Variants in LRRC4C observed in about 807,000 individuals in gnomAD.
LRRC4C encodes the protein leucine rich repeat containing 4C.
Under a neutral mutation model 33.6 loss-of-function variants are expected in LRRC4C, and 5 were observed. The ratio of observed to expected loss-of-function variants is 0.15; its 90% CI spans 0.08 to 0.31. The LOEUF (loss-of-function observed/expected upper bound fraction) is 0.31, where lower values mean the gene tolerates loss of function less well. Ranked by LOEUF, LRRC4C falls within the 10% of genes least tolerant of loss-of-function variation. LRRC4C has a pLI of 1.00. For synonymous variants in LRRC4C, 329 were observed against 302.0 expected (o/e 1.09, Z -0.93); for missense variants, 560 against 796.7 (o/e 0.70, Z 3.58).
At chr11:41,437,939 G>A (rs1045806470) in intron 1 of LRRC4C, among the ~76,000 whole-genome samples, 2 of 152,024 alleles carry the variant, frequency 1.3e-5, no homozygotes, top group African/African-American at 4.8e-5. Flanking sequence ...GTGGGAGGCT[G>A]AGGAAGGAGA....
chr11:40,482,307 A>G (rs534527796), intron 3 of LRRC4C, among the ~76,000 whole-genome samples: 1 of 152,294 alleles, frequency 6.6e-6, no homozygotes, highest in Admixed American at 6.5e-5. Context: ...GGACATTCAG[A>G]TTAATTGTGT....
At chr11:40,996,021 T>C (rs1352171000) in intron 1 of LRRC4C, among the ~76,000 whole-genome samples, 1 of 152,166 alleles carries the variant, frequency 6.6e-6, no homozygotes, top group Non-Finnish European at 1.5e-5. Context: ...TTAAAATTAA[T>C]TTATTACATA....
At chr11:41,357,212 C>T (rs1952194729) in intron 1 of LRRC4C, among the ~76,000 whole-genome samples, 1 of 151,964 alleles carries the variant, frequency 6.6e-6, no homozygotes, top group African/African-American at 2.4e-5. Context: ...TAAACTGGCA[C>T]AAGTTATGGA....
At chr11:40,816,284 G>T (rs1384259811) in intron 2 of LRRC4C, among the ~76,000 whole-genome samples, 1 of 152,190 alleles carries the variant, frequency 6.6e-6, no homozygotes, top group African/African-American at 2.4e-5. Flanking sequence ...CCACATCTGT[G>T]TGCCAACAGA....
At chr11:40,913,679 G>C (rs1430614437) in intron 2 of LRRC4C, among the ~76,000 whole-genome samples, 1 of 151,968 alleles carries the variant, frequency 6.6e-6, no homozygotes, top group Non-Finnish European at 1.5e-5. Flanking sequence ...CTAGCAAAAG[G>C]CAAGAAATAA....
At position 40,597,307 on chromosome 11, in the gene LRRC4C, C is replaced by T. The variant is rs552483094; in HGVS notation, c.-270+50835G>A. ...ACAATAGACAAGTGAATTGACTAAT[C>T]CAAGATCTCATGGTTCAGTGGTTGG... On this transcript the variant is annotated intron_variant, in intron 3 of 6. Coordinates refer to ENST00000528697, the MANE Select transcript of LRRC4C (RefSeq NM_001258419.2). Among the ~76,000 whole-genome samples the T allele has an allele frequency of 2.6e-5, 4 of 151,970 alleles. 1 individual carries two copies. In the East Asian group the frequency reaches 7.8e-4, roughly 30 times the overall value.
chr11:41,350,433 C>T (rs1951941019), intron 1 of LRRC4C, among the ~76,000 whole-genome samples: 1 of 147,318 alleles, frequency 6.8e-6, no homozygotes, highest in South Asian at 2.1e-4. Context: ...TGGTGTGAAC[C>T]TGGGAGGCGG....
intron 1 of LRRC4C, among the ~76,000 whole-genome samples, chr11:41,290,970 A>G (rs2137006019): frequency 6.6e-6 from 1 of 152,284 alleles, no homozygotes; most frequent in East Asian, 1.9e-4. Context: ...CTTTCCAAAA[A>G]TTCAAGCATG....
At chr11:40,820,799 T>A (rs1049438060) in intron 2 of LRRC4C, among the ~76,000 whole-genome samples, 1 of 151,724 alleles carries the variant, frequency 6.6e-6, no homozygotes, top group Non-Finnish European at 1.5e-5. Flanking sequence ...AACATAATAC[T>A]GGAGTTTCTG....
At chr11:40,126,613 A>G (rs1856246238) in intron 6 of LRRC4C, among the ~76,000 whole-genome samples, 1 of 152,208 alleles carries the variant, frequency 6.6e-6, no homozygotes, top group South Asian at 2.1e-4. Flanking sequence ...TTTACATGCC[A>G]TAAAGAATTA....
intron 3 of LRRC4C, among the ~76,000 whole-genome samples, chr11:40,414,327 TA>T (rs897148338): frequency 7.3e-5 from 11 of 149,666 alleles, no homozygotes; most frequent in East Asian, 2.0e-4. Flanking sequence ...TATTTTTGGC[TA>T]AAAAAAAAAT....
At chr11:40,427,382 C>T (rs1290705818) in intron 3 of LRRC4C, among the ~76,000 whole-genome samples, 4 of 152,126 alleles carry the variant, frequency 2.6e-5, no homozygotes, top group African/African-American at 9.7e-5. Context: ...TGGTGCACAC[C>T]TGCAATCCCA....
intron 1 of LRRC4C, among the ~76,000 whole-genome samples, chr11:41,164,184 C>CT (rs1224826915): frequency 1.3e-4 from 7 of 55,340 alleles, no homozygotes; most frequent in Admixed American, 3.4e-4. Context: ...TTTCTTTTAC[C>CT]TTTTTTATTT....
chr11:41,292,945 C>T (rs1265520285), intron 1 of LRRC4C, among the ~76,000 whole-genome samples: 1 of 152,012 alleles, frequency 6.6e-6, no homozygotes, highest in African/African-American at 2.4e-5. Context: ...TGCATAAAGC[C>T]TCAGGAATAC....
chr11:40,265,241 A>G (rs1265034420), intron 4 of LRRC4C, among the ~76,000 whole-genome samples: 2 of 152,092 alleles, frequency 1.3e-5, no homozygotes, highest in Non-Finnish European at 2.9e-5. Context: ...GTCTTTCATT[A>G]TCTTCTTGGG....
At chr11:41,211,020 G>A (rs1946799514) in intron 1 of LRRC4C, among the ~76,000 whole-genome samples, 1 of 152,116 alleles carries the variant, frequency 6.6e-6, no homozygotes, top group South Asian at 2.1e-4. Flanking sequence ...CTGACAGGAG[G>A]CAGAGCTCTG....
chr11:40,409,860 C>T (rs1950093214), intron 3 of LRRC4C, among the ~76,000 whole-genome samples: 1 of 151,966 alleles, frequency 6.6e-6, no homozygotes, highest in Non-Finnish European at 1.5e-5. Flanking sequence ...TAAGTCTTCT[C>T]ATTACAAAAA....
chr11:40,166,962 C>G (rs1055829915), intron 5 of LRRC4C, among the ~76,000 whole-genome samples: 10 of 151,990 alleles, frequency 6.6e-5, no homozygotes, highest in African/African-American at 1.7e-4. Context: ...GTTCATAAAG[C>G]CTGTGTCTAA....
chr11:40,838,914 A>G (rs1952795740), intron 2 of LRRC4C, among the ~76,000 whole-genome samples: 1 of 152,074 alleles, frequency 6.6e-6, no homozygotes, highest in Admixed American at 6.6e-5. Flanking sequence ...AATCAGAAAA[A>G]AAAATGTATT....
Sources: gnomAD v4.1 joint callset for allele counts (sites outside exome capture counted in the v4.1 genomes callset) on GRCh38, gnomAD v4.1.1 for gene constraint, MANE v1.5 for transcripts, NCBI Gene and HGNC (gene_info 2026-07-23, HGNC 2026-07-21) for gene names.